PHEX: variants seen among roughly 807,000 people sequenced by gnomAD.
PHEX encodes phosphate-regulating neutral endopeptidase PHEX.
In PHEX, 16 loss-of-function variants were observed where a neutral mutation model predicts 68.0. The ratio of observed to expected loss-of-function variants is 0.24; its 90% confidence interval spans 0.16 to 0.36. PHEX has a LOEUF of 0.36. Ranked by LOEUF, PHEX falls within the 10% of genes least tolerant of loss-of-function variation. PHEX has a pLI of 1.00. For synonymous variants in PHEX, 208 were observed against 205.1 expected (o/e 1.01, Z -0.12); for missense variants, 480 against 575.5 (o/e 0.83, Z 1.70).
intron 9 of PHEX, among the ~76,000 whole-genome samples, chrX:22,100,625 A>G (rs1448623751): frequency 2.7e-5 from 3 of 111,191 alleles, no homozygotes; most frequent in Non-Finnish European, 3.8e-5. Context: ...AAAAAGCCTA[A>G]TTTACAATCA....
intron 14 of PHEX, among the ~76,000 whole-genome samples, chrX:22,184,534 A>G (rs1295131688): frequency 8.9e-6 from 1 of 112,236 alleles, no homozygotes; most frequent in African/African-American, 3.2e-5. Flanking sequence ...ACTAATGTGC[A>G]TTAAGAAGTT....
chrX:22,043,094 A>G (rs1039254762), intron 2 of PHEX, among the ~76,000 whole-genome samples: 5 of 112,861 alleles, frequency 4.4e-5, no homozygotes, highest in African/African-American at 1.6e-4. Flanking sequence ...GAAGTATTAC[A>G]TGATCTGTGG....
intron 3 of PHEX, among the ~76,000 whole-genome samples, chrX:22,063,838 T>C (rs1320977101): frequency 1.8e-5 from 2 of 113,057 alleles, no homozygotes; most frequent in African/African-American, 6.4e-5. Flanking sequence ...TTTATTACTT[T>C]CCAGAATGGA....
At chrX:22,161,426 GACA>G (rs767974139) in intron 12 of PHEX, among the ~76,000 whole-genome samples, 3 of 112,330 alleles carry the variant, frequency 2.7e-5, no homozygotes, top group East Asian at 5.6e-4. Context: ...ACTGTCTCAA[GACA>G]ACAACAACAA....
intron 12 of PHEX, among the ~76,000 whole-genome samples, chrX:22,140,771 C>T (rs1286244258): frequency 2.7e-5 from 3 of 112,029 alleles, no homozygotes; most frequent in African/African-American, 9.7e-5. Context: ...CATGAGCCAC[C>T]GTGCCTGGCT....
chrX:22,208,628 A>G (rs917285271), intron 15 of PHEX, among the ~76,000 whole-genome samples: 5 of 112,106 alleles, frequency 4.5e-5, no homozygotes, highest in Non-Finnish European at 9.4e-5. Context: ...AACTTGCTAG[A>G]TGCAAATTCT....
At chrX:22,166,295 C>A (rs1029888853) in intron 12 of PHEX, among the ~76,000 whole-genome samples, 2 of 111,644 alleles carry the variant, frequency 1.8e-5, no homozygotes, top group African/African-American at 6.5e-5. Context: ...TTAGCTCTCT[C>A]TTAGCTGTAA....
chrX:22,183,558 A>G (rs761097422), intron 14 of PHEX, among the ~76,000 whole-genome samples: 1 of 111,850 alleles, frequency 8.9e-6, no homozygotes, highest in East Asian at 2.8e-4. Flanking sequence ...AAATTATTCA[A>G]TAGTTTTAGA....
chrX:22,138,407 G>A (rs760013515), intron 12 of PHEX, among the ~76,000 whole-genome samples: 1 of 112,659 alleles, frequency 8.9e-6, no homozygotes, highest in East Asian at 2.8e-4. Context: ...GAGAGAACAG[G>A]AGGCCATGGA....
chrX:22,056,644 T>C (rs1256741944), intron 3 of PHEX, among the ~76,000 whole-genome samples: 4 of 109,400 alleles, frequency 3.7e-5, no homozygotes, highest in Non-Finnish European at 7.6e-5. Flanking sequence ...CTACTAAAAA[T>C]ACAAAAGTTA....
intron 17 of PHEX, among the ~76,000 whole-genome samples, chrX:22,221,083 T>C (rs1199029610): frequency 8.9e-6 from 1 of 112,085 alleles, no homozygotes; most frequent in Non-Finnish European, 1.9e-5. Context: ...CTAGTGGCTG[T>C]GGAATGAATC....
At chrX:22,126,864 GTTTTTTTT>G (rs35691469) in intron 11 of PHEX, among the ~76,000 whole-genome samples, 1 of 54,600 alleles carries the variant, frequency 1.8e-5, no homozygotes, top group Non-Finnish European at 3.2e-5. Context: ...TGAAATAGTT[GTTTTTTTT>G]TTTTTTTTTT....
intron 13 of PHEX, among the ~76,000 whole-genome samples, chrX:22,177,096 T>G (rs1232443383): frequency 2.7e-5 from 3 of 111,249 alleles, no homozygotes; most frequent in African/African-American, 9.8e-5. Context: ...AGATGACTCC[T>G]TAACAAAAAC....
chrX:22,190,890 G>T (rs1238196310), intron 15 of PHEX, among the ~76,000 whole-genome samples: 1 of 111,806 alleles, frequency 8.9e-6, no homozygotes, highest in Non-Finnish European at 1.9e-5. Flanking sequence ...AACCTGAGCG[G>T]ACCATCTGTA....
chrX:22,207,429 A>G (rs762647258), intron 15 of PHEX, among the ~76,000 whole-genome samples: 2 of 111,790 alleles, frequency 1.8e-5, no homozygotes, highest in South Asian at 7.4e-4. Context: ...TGTAATACAC[A>G]CACACTTCTT....
chrX:22,218,488 T>G (rs1165867300), intron 16 of PHEX, among the ~76,000 whole-genome samples: 1 of 112,128 alleles, frequency 8.9e-6, no homozygotes, highest in Non-Finnish European at 1.9e-5. Context: ...GCTATTCAGT[T>G]GCTATCTTGT....
intron 20 of PHEX, among the ~76,000 whole-genome samples, chrX:22,234,831 A>T (rs866347401): frequency 1.9e-5 from 2 of 107,196 alleles, no homozygotes; most frequent in South Asian, 8.0e-4. Flanking sequence ...AAAAAAAAAA[A>T]ACCACACACA....
Position 22,249,035 on chromosome X carries a change from C to A in PHEX, c.*1082C>A, listed in dbSNP as rs1936475728. 9.1e-6 allele frequency: 1 copy of A among 109,565 alleles called. No homozygotes were observed. Among genetic ancestry groups the A allele is most frequent in the Non-Finnish European group, 1.9e-5 (1 of 52,625 alleles). 9.0% of individuals were successfully genotyped at this position (109,565 alleles called of 1,213,427 possible). ...AAAAAAAAACATTTTTGAAAAATTTCTTGACTGATGACATTCTAGAATTTA... is the reference window on the plus strand; with the variant it reads ...AAAAAAAAACATTTTTGAAAAATTTATTGACTGATGACATTCTAGAATTTA... On this transcript the variant is annotated 3_prime_UTR_variant, in exon 22 of 22. Coordinates refer to ENST00000379374, the MANE Select transcript of PHEX (RefSeq NM_000444.6).
At chrX:22,051,986 C>T (rs1927854947) in intron 3 of PHEX, among the ~76,000 whole-genome samples, 1 of 111,181 alleles carries the variant, frequency 9.0e-6, no homozygotes, top group African/African-American at 3.3e-5. Flanking sequence ...CTATCTATAT[C>T]TTTTAATATA....
Sources: allele counts gnomAD v4.1 joint callset (sites outside exome capture counted in the v4.1 genomes callset), GRCh38; gene constraint gnomAD v4.1.1; transcripts MANE v1.5; gene names NCBI Gene and HGNC (gene_info 2026-07-23, HGNC 2026-07-21).